NUP214: variants seen among roughly 807,000 people sequenced by gnomAD.
NUP214 encodes the protein nuclear pore complex protein Nup214.
NUP214 carries 79 observed loss-of-function variants against 196.2 expected under a neutral mutation model. The ratio of observed to expected loss-of-function variants is 0.40; its 90% confidence interval spans 0.34 to 0.49. The LOEUF (loss-of-function observed/expected upper bound fraction) is 0.49, where lower values mean the gene tolerates loss of function less well. NUP214 is among the 20% of genes least tolerant of loss of function. The probability of loss-of-function intolerance (pLI) is 0.58; values close to 1 mark genes in which losing one functional copy is unlikely to be tolerated. For synonymous variants in NUP214, 1,020 were observed against 990.5 expected, an observed-to-expected ratio of 1.03 and a Z score of -0.56; for missense variants, 2,468 against 2,539.0, an observed-to-expected ratio of 0.97 and a Z score of 0.60.
At chr9:131,172,448 A>G (rs1832987077) in intron 21 of NUP214, among the ~76,000 whole-genome samples, 1 of 152,054 alleles carries the variant, frequency 6.6e-6, no homozygotes, top group South Asian at 2.1e-4. Context: ...TAGATTCTGG[A>G]TATTAGCCCT....
intron 24 of NUP214, among the ~76,000 whole-genome samples, chr9:131,182,620 G>C (rs1352141996): frequency 6.6e-6 from 1 of 152,196 alleles, no homozygotes; most frequent in Non-Finnish European, 1.5e-5. Context: ...GGGGACCACA[G>C]TTGTAGACAG....
In NUP214 at chr9:131,234,045, G is replaced by C. The variant is rs1164471049; in HGVS notation, c.*558G>C. The C allele has an allele frequency of 3.9e-6, 1 of 253,544 alleles. No homozygotes were observed. Among genetic ancestry groups the C allele is most frequent in the Non-Finnish European group, 7.7e-6 (1 of 130,314 alleles). The allele number at this position is 253,544 out of a possible 1,614,324, so 15.7% of individuals were successfully genotyped here. A position where few individuals can be genotyped will look rare whatever the true frequency, so the allele number is the denominator to read the frequency against. On this transcript the variant is annotated 3_prime_UTR_variant, in exon 36 of 36. Transcript: ENST00000359428. The stretch of plus-strand genomic sequence containing the variant: ...GCAGAGGAAGCCACTCATGCCAGCA[G>C]CAGTTGAGTTTCAGAAGCAGCCATA...
At chr9:131,195,884 C>G (rs1350333606) in intron 28 of NUP214, among the ~76,000 whole-genome samples, 1 of 151,904 alleles carries the variant, frequency 6.6e-6, no homozygotes, top group Non-Finnish European at 1.5e-5. Context: ...AATTAGCCAG[C>G]CGTGGTGGCG....
At chr9:131,135,882 G>A in intron 8 of NUP214, 58 bp from the exon 9 acceptor site, 2 of 1,429,140 alleles carry the variant, frequency 1.4e-6, no homozygotes, top group Non-Finnish European at 2.0e-6. Context: ...GCAGACCCAG[G>A]TTAGCTTAGA....
rs757290329 is a variant in NUP214 at position 131,140,537 on chromosome 9, C to G, written c.1133-12C>G. On this transcript the variant is annotated splice_polypyrimidine_tract_variant and intron_variant, in intron 10 of 35. Transcript: ENST00000359428. Reference sequence around the variant, plus strand: ...CACTTGGTTTTTTTATTTTTGTTTTCTTTTTTAACAGGTGATGAAAAGACT... The same window carrying G: ...CACTTGGTTTTTTTATTTTTGTTTTGTTTTTTAACAGGTGATGAAAAGACT... 5 of 1,588,880 alleles carry G rather than the reference C, an allele frequency of 3.1e-6. No individual in the cohort carries two copies. The highest frequency in any genetic ancestry group is 4.3e-6 in the Non-Finnish European group (5 of 1,172,646).
Position 131,125,840 on chromosome 9 carries a change from C to A in NUP214, c.45+91C>A. The A allele has an allele frequency of 4.9e-6, 7 of 1,441,470 alleles. No individual in the cohort carries two copies. Among genetic ancestry groups the A allele is most frequent in the Non-Finnish European group, 6.7e-6 (7 of 1,051,696 alleles). 89.3% of individuals were successfully genotyped at this position (1,441,470 alleles called of 1,614,324 possible). On this transcript the variant is annotated intron_variant, in intron 1 of 35. Transcript: ENST00000359428. The surrounding 1 kb of genome is among the most constrained non-coding windows in gnomAD (Gnocchi z 4.1). ...AGGCGAAGCGCGGTGCTGGCTGTCC[C>A]GCCTCCTGCTTGAACAGTTTACCGC...
intron 17 of NUP214, among the ~76,000 whole-genome samples, chr9:131,153,500 A>G (rs1002873926): frequency 4.6e-5 from 7 of 152,142 alleles, no homozygotes; most frequent in Non-Finnish European, 8.8e-5. Context: ...CCTACTGCTC[A>G]TCAAATTACA....
chr9:131,129,985 G>A (rs1831481232), intron 4 of NUP214, among the ~76,000 whole-genome samples: 1 of 151,976 alleles, frequency 6.6e-6, no homozygotes, highest in African/African-American at 2.4e-5. Flanking sequence ...TGGGATTTCT[G>A]GAGAAATATT....
chr9:131,145,566 G>A (rs994050166), intron 12 of NUP214, among the ~76,000 whole-genome samples: 4 of 152,138 alleles, frequency 2.6e-5, no homozygotes, highest in Admixed American at 6.5e-5. Context: ...CCATTTTGTT[G>A]ACTGCACCAC....
intron 7 of NUP214, among the ~76,000 whole-genome samples, chr9:131,133,949 TTTTA>T (rs1241098363): frequency 2.0e-5 from 3 of 152,212 alleles, no homozygotes; most frequent in African/African-American, 7.2e-5. Context: ...TGTTGTTAAT[TTTTA>T]TTTATTTTTT....
intron 24 of NUP214, 116 bp from the exon 25 acceptor site, chr9:131,187,173 A>T (rs187635132): frequency 2.4e-5 from 19 of 803,130 alleles, no homozygotes; most frequent in Non-Finnish European, 3.8e-5. Flanking sequence ...GGTCCCATGC[A>T]TCTGTATCCT....
intron 9 of NUP214, 127 bp from the exon 10 acceptor site, chr9:131,139,154 A>G (rs933712339): frequency 6.2e-5 from 70 of 1,131,668 alleles, no homozygotes; most frequent in Middle Eastern, 3.1e-4. Flanking sequence ...ACCTGAGTCT[A>G]AACCAAGTGA....
At chr9:131,206,148 C>CTTTTTTCTTTTTTTTTTTTTTTTTTT (rs1301657384) in intron 30 of NUP214, among the ~76,000 whole-genome samples, 3 of 76,388 alleles carry the variant, frequency 3.9e-5, no homozygotes, top group African/African-American at 1.1e-4. Flanking sequence ...TTTCTTTTTT[C>CTTTTTTCTTTTTTTTTTTTTTTTTTT]TTTTTTTTTT....
intron 17 of NUP214, among the ~76,000 whole-genome samples, chr9:131,154,590 G>T (rs1001746323): frequency 6.6e-6 from 1 of 152,174 alleles, no homozygotes; most frequent in Non-Finnish European, 1.5e-5. Context: ...CAAGTGATCT[G>T]CCCGTCTTGG....
chr9:131,198,345 C>G lies in NUP214; in HGVS notation c.4851C>G (p.Ala1617=). 1 of 1,614,244 alleles carries G rather than the reference C, an allele frequency of 6.2e-7. No individual in the cohort carries two copies. The highest frequency in any genetic ancestry group is 1.7e-5 in the Admixed American group (1 of 60,032). Residue 1617 remains alanine (A), a synonymous_variant, in exon 29 of 36, where the codon GCC becomes GCG. Transcript: ENST00000359428. The part of the protein sequence containing the change: ...VAVETSSTPI[A]SSTTSIVAPG... ...TCGAAACATCAAGTACCCCCATAGC[C>G]TCCAGCACCACGTCCATTGTTGCTC...
At chr9:131,145,977 C>G (rs1832076637) in intron 12 of NUP214, 152 bp from the exon 13 acceptor site, 14 of 684,536 alleles carry the variant, frequency 2.0e-5, no homozygotes, top group Non-Finnish European at 3.5e-5. Context: ...TAAGAAATAG[C>G]TAAACATTTT....
chr9:131,232,494 T>C lies in NUP214; in HGVS notation c.6239+186T>C, dbSNP rs1834907417. ...GGACTTGCTCTTCTCTGTAGCAATA[T>C]GGCAGGAGGTGCCAGGCCTCGCCTT... On this transcript the variant is annotated intron_variant, in intron 35 of 35. Coordinates refer to ENST00000359428, the MANE Select transcript of NUP214 (RefSeq NM_005085.4). The surrounding 1 kb of genome is among the most constrained non-coding windows in gnomAD (Gnocchi z 5.1). 6.0e-6 allele frequency: 4 copies of C among 665,336 alleles called. No homozygotes were observed. The highest frequency in any genetic ancestry group is 2.3e-5 in the Admixed American group (1 of 43,608). 41.2% of individuals were successfully genotyped at this position (665,336 alleles called of 1,614,324 possible). A position where few individuals can be genotyped will look rare whatever the true frequency, so the allele number is the denominator to read the frequency against.
In NUP214 at chr9:131,201,523, C is replaced by T. The variant is rs748656606; in HGVS notation, c.5522-124C>T. On this transcript the variant is annotated intron_variant, in intron 29 of 35. Transcript: ENST00000359428. ...GAGGTTGCAGTGAGCCAAGATCCCA[C>T]CATTGCACTCCAGCCTGGTGACAGA... The T allele has an allele frequency of 5.7e-4, 392 of 687,178 alleles. 2 individuals are homozygous for T. Among genetic ancestry groups the T allele is most frequent in the Admixed American group, 2.4e-3 (96 of 39,946 alleles). 42.6% of individuals were successfully genotyped at this position (687,178 alleles called of 1,614,324 possible).
Position 131,178,502 on chromosome 9 carries a change from C to G in NUP214, c.3419+92C>G, listed in dbSNP as rs1444373141. On this transcript the variant is annotated intron_variant, in intron 24 of 35. Coordinates refer to ENST00000359428, the MANE Select transcript of NUP214 (RefSeq NM_005085.4). The stretch of plus-strand genomic sequence containing the variant: ...GGAGCAGCAGTGCCACTGTCACAGT[C>G]TGGTTTTCCTGCACCGCCTTAGGTT... 12 of 871,564 alleles carry G rather than the reference C, an allele frequency of 1.4e-5. No homozygotes were observed. In the Admixed American group the frequency reaches 2.5e-4, roughly 18 times the overall value. The allele number at this position is 871,564 out of a possible 1,614,324, so 54.0% of individuals were successfully genotyped here.
Sources: gnomAD v4.1 joint callset for allele counts (sites outside exome capture counted in the v4.1 genomes callset) on GRCh38, gnomAD v4.1.1 for gene constraint, Gnocchi (gnomAD v3.1) non-coding constraint, MANE v1.5 for transcripts, NCBI Gene and HGNC (gene_info 2026-07-23, HGNC 2026-07-21) for gene names.